ACSM5: variants seen among roughly 807,000 people sequenced by gnomAD.
ACSM5 encodes acyl-coenzyme A synthetase ACSM5, mitochondrial.
Under a neutral mutation model 71.6 loss-of-function variants are expected in ACSM5, and 56 were observed. The observed-to-expected ratio is 0.78, with a 90% confidence interval of 0.63 to 0.98. ACSM5 has a LOEUF of 0.98. Ranked by LOEUF, ACSM5 falls within the 50% of genes least tolerant of loss-of-function variation. The pLI is 0.00. For synonymous variants in ACSM5, 285 were observed against 281.5 expected (o/e 1.01, Z -0.12); for missense variants, 723 against 726.0 (o/e 1.00, Z 0.05).
chr16:20,431,956 A>T (rs1269000228), intron 10 of ACSM5, among the ~76,000 whole-genome samples: 1 of 148,966 alleles, frequency 6.7e-6, no homozygotes, highest in Non-Finnish European at 1.5e-5. Flanking sequence ...AAAAAAAAAA[A>T]TAATAATAAT....
In ACSM5 at chr16:20,421,287, G is replaced by C; in HGVS notation, c.653G>C (p.Arg218Thr). ...REASTEHNCM[R>T]TKSRDPLAIY... ...GCTTCTACAGAGCACAACTGCATGAGGACAAAGAGTCGAGACCCGCTGGCC... is the reference window on the plus strand; with the variant it reads ...GCTTCTACAGAGCACAACTGCATGACGACAAAGAGTCGAGACCCGCTGGCC... The change falls in exon 5 of 14, where the codon AGG becomes ACG. Residue 218 changes from arginine (R) to threonine (T), a missense_variant. Coordinates refer to ENST00000331849, the MANE Select transcript of ACSM5 (RefSeq NM_017888.3). 1 of 1,606,036 alleles carries C rather than the reference G, an allele frequency of 6.2e-7. No homozygotes were observed. The highest frequency in any genetic ancestry group is 1.3e-5 in the African/African-American group (1 of 74,708).
At chr16:20,416,562 A>T (rs1210082635) in intron 2 of ACSM5, among the ~76,000 whole-genome samples, 1 of 152,208 alleles carries the variant, frequency 6.6e-6, no homozygotes, top group African/African-American at 2.4e-5. Context: ...CCTGACCCTA[A>T]ATACAAAAAT....
chr16:20,416,026 A>G (rs1174249497), intron 2 of ACSM5, among the ~76,000 whole-genome samples: 1 of 152,188 alleles, frequency 6.6e-6, no homozygotes, highest in Non-Finnish European at 1.5e-5. Flanking sequence ...AATTTAACCA[A>G]AGAAGTATAA....
chr16:20,437,384 A>G lies in ACSM5; in HGVS notation c.1536+17A>G. On this transcript the variant is annotated intron_variant, in intron 12 of 13. Transcript: ENST00000331849. ...AGGGGAGAGGTAACCAGTGCACCCA[A>G]GAACATGGCCTCCTGCTTCTGTACC... 6.4e-7 allele frequency: 1 copy of G among 1,558,418 alleles called. No individual in the cohort carries two copies. The highest frequency in any genetic ancestry group is 8.8e-7 in the Non-Finnish European group (1 of 1,130,228).
In ACSM5 at chr16:20,426,381, G is replaced by C. The variant is rs552548932; in HGVS notation, c.922-1407G>C. 2.0e-5 allele frequency among the ~76,000 whole-genome samples: 3 copies of C among 152,348 alleles called. 1 individual carries two copies. In the South Asian group the frequency reaches 6.2e-4, roughly 32 times the overall value. ...TCTCACAGTTTCTGATGGTCAGGAAGCTGGAGGTAGCTTAATGAGGGGTTT... is the reference window on the plus strand; with the variant it reads ...TCTCACAGTTTCTGATGGTCAGGAACCTGGAGGTAGCTTAATGAGGGGTTT... On this transcript the variant is annotated intron_variant, in intron 6 of 13. Transcript: ENST00000331849.
intron 2 of ACSM5, among the ~76,000 whole-genome samples, chr16:20,417,032 A>G (rs112980949): frequency 0.044 from 6,658 of 151,668 alleles, 177 homozygotes; most frequent in South Asian, 0.059. Flanking sequence ...GCAAAAAAAA[A>G]AAAAAAAGGT....
At chr16:20,436,881 A>C (rs1967209888) in intron 10 of ACSM5, among the ~76,000 whole-genome samples, 171 bp from the exon 11 acceptor site, 1 of 152,114 alleles carries the variant, frequency 6.6e-6, no homozygotes, top group African/African-American at 2.4e-5. Context: ...CCCACAACTA[A>C]ACAGGGCCAT....
chr16:20,424,365 A>C (rs1051990845), intron 6 of ACSM5, among the ~76,000 whole-genome samples: 1 of 152,138 alleles, frequency 6.6e-6, no homozygotes, highest in Non-Finnish European at 1.5e-5. Context: ...GGTATTTGTC[A>C]AACCCTTAGG....
intron 7 of ACSM5, 92 bp from the exon 8 acceptor site, chr16:20,429,586 G>A: frequency 6.4e-7 from 1 of 1,563,182 alleles, no homozygotes; most frequent in African/African-American, 1.4e-5. Flanking sequence ...ACCCTCTAGT[G>A]CCTGTGGTGT....
At chr16:20,411,030 A>G (rs1296382483) in intron 1 of ACSM5, among the ~76,000 whole-genome samples, 1 of 152,254 alleles carries the variant, frequency 6.6e-6, no homozygotes, top group Non-Finnish European at 1.5e-5. Flanking sequence ...ATGTTTTATT[A>G]TAATAAATCT....
Position 20,425,355 on chromosome 16 carries a change from T to C in ACSM5, c.921+1286T>C, listed in dbSNP as rs188065059. On this transcript the variant is annotated intron_variant, in intron 6 of 13. Coordinates refer to ENST00000331849, the MANE Select transcript of ACSM5 (RefSeq NM_017888.3). ...TTCTTTTTTATGGATCCATTGTGTA[T>C]ATGTACATCTTCTTTTTCCATTCAT... Among the ~76,000 whole-genome samples the C allele has an allele frequency of 8.5e-4, 130 of 152,344 alleles. 2 individuals carry two copies. Among genetic ancestry groups the C allele is most frequent in the Non-Finnish European group, 8.8e-4 (60 of 68,042 alleles).
At position 20,427,875 on chromosome 16, in the gene ACSM5, C is replaced by A. The variant is rs1967019985; in HGVS notation, c.1001+8C>A. 1 of 1,608,224 alleles carries A rather than the reference C, an allele frequency of 6.2e-7. No individual in the cohort carries two copies. ...GCAGGAGGATCTGACCAGGTACAGC[C>A]CGTCTATTTCGTGCTTTGAGGGCCT... On this transcript the variant is annotated splice_region_variant and intron_variant, in intron 7 of 13. Transcript: ENST00000331849.
intron 4 of ACSM5, 22 bp downstream of exon 4, chr16:20,419,457 CA>C (rs1260941179): frequency 2.5e-6 from 4 of 1,610,426 alleles, no homozygotes; most frequent in Non-Finnish European, 3.4e-6. Context: ...CTCTCCAGAA[CA>C]GCAGAAAAAT....
intron 7 of ACSM5, among the ~76,000 whole-genome samples, chr16:20,428,135 A>T (rs1967025833): frequency 6.6e-6 from 1 of 152,236 alleles, no homozygotes; most frequent in Non-Finnish European, 1.5e-5. Flanking sequence ...GGAACTAAAT[A>T]GATTTAAGGC....
rs145286929 is a variant in ACSM5, at chr16:20,437,084, A to T, written c.1341A>T (p.Gln447His). ...CTGAGAAGACAGCTGCATCAGAACAAGGGGACTTTTACATCACAGGGGACC... is the reference window on the plus strand; with the variant it reads ...CTGAGAAGACAGCTGCATCAGAACATGGGGACTTTTACATCACAGGGGACC... ...DNPEKTAASE[Q>H]GDFYITGDRA... The change falls in exon 11 of 14, where the codon CAA (glutamine) becomes CAT (histidine). Residue 447 changes from glutamine (Q) to histidine (H), a missense_variant. By Grantham distance (24) the Gln-to-His change is conservative. Coordinates refer to ENST00000331849, the MANE Select transcript of ACSM5 (RefSeq NM_017888.3). 1.9e-6 allele frequency: 3 copies of T among 1,614,144 alleles called. No individual in the cohort carries two copies. The South Asian group carries it at 3.3e-5, about 18-fold the overall frequency.
intron 4 of ACSM5, 23 bp downstream of exon 4, chr16:20,419,458 A>T (rs1385273312): frequency 6.2e-7 from 1 of 1,610,588 alleles, no homozygotes; most frequent in Non-Finnish European, 8.5e-7. Context: ...TCTCCAGAAC[A>T]GCAGAAAAAT....
chr16:20,436,001 CTT>C (rs1410561695), intron 10 of ACSM5, among the ~76,000 whole-genome samples: 2 of 138,362 alleles, frequency 1.4e-5, no homozygotes, highest in Non-Finnish European at 3.0e-5. Context: ...TTTTCTTTCT[CTT>C]TCTTTCTTTT....
At chr16:20,436,088 C>CCTTT (rs1967190409) in intron 10 of ACSM5, among the ~76,000 whole-genome samples, 1 of 95,124 alleles carries the variant, frequency 1.1e-5, no homozygotes, top group Non-Finnish European at 2.0e-5. Context: ...TTCCTTCCTT[C>CCTTT]CTTTTCTCTT....
intron 11 of ACSM5, 23 bp downstream of exon 11, chr16:20,437,202 C>T: frequency 6.2e-7 from 1 of 1,614,070 alleles, no homozygotes; most frequent in Non-Finnish European, 8.5e-7. Flanking sequence ...GCACTTTCCT[C>T]CTTCCTTTGA....
Sources: gnomAD v4.1 joint callset for allele counts (sites outside exome capture counted in the v4.1 genomes callset) on GRCh38, gnomAD v4.1.1 for gene constraint, MANE v1.5 for transcripts, NCBI Gene and HGNC (gene_info 2026-07-23, HGNC 2026-07-21) for gene names.